EFCAB6: variants seen among roughly 807,000 people sequenced by gnomAD.
EFCAB6 encodes the protein EF-hand calcium binding domain 6, also known as EF-hand calcium-binding domain-containing protein 6.
In EFCAB6, 156 loss-of-function variants were observed where a neutral mutation model predicts 169.8. The ratio of observed to expected loss-of-function variants is 0.92; its 90% CI spans 0.81 to 1.05. EFCAB6 has a LOEUF of 1.05. EFCAB6 is among the 50% of genes least tolerant of loss of function. EFCAB6 has a pLI of 0.00. For synonymous variants in EFCAB6, 698 were observed against 676.4 expected (o/e 1.03, Z -0.50); for missense variants, 1,800 against 1,829.1 (o/e 0.98, Z 0.29).
At chr22:43,532,458 T>G (rs2047131922) in intron 30 of EFCAB6, among the ~76,000 whole-genome samples, 2 of 152,238 alleles carry the variant, frequency 1.3e-5, no homozygotes, top group African/African-American at 4.8e-5. Flanking sequence ...AGGATGGAAT[T>G]GATGGCGGCC....
intron 2 of EFCAB6, among the ~76,000 whole-genome samples, chr22:43,797,750 G>T (rs1360898471): frequency 6.6e-6 from 1 of 151,864 alleles, no homozygotes; most frequent in Non-Finnish European, 1.5e-5. Context: ...AGTGCTATTA[G>T]AACCAAGACC....
chr22:43,785,252 A>G (rs2062033913), intron 2 of EFCAB6, among the ~76,000 whole-genome samples: 1 of 152,210 alleles, frequency 6.6e-6, no homozygotes, highest in Admixed American at 6.5e-5. Flanking sequence ...CACATGGATC[A>G]TTCTCCAGTA....
At chr22:43,590,408 T>C (rs1569210105) in intron 23 of EFCAB6, among the ~76,000 whole-genome samples, 179 bp from the exon 24 acceptor site, 1 of 151,772 alleles carries the variant, frequency 6.6e-6, no homozygotes, top group African/African-American at 2.4e-5. Flanking sequence ...AGAAATATTA[T>C]GTCTGTATCA....
intron 23 of EFCAB6, among the ~76,000 whole-genome samples, chr22:43,599,320 G>A (rs904411363): frequency 6.6e-6 from 1 of 151,864 alleles, no homozygotes; most frequent in Non-Finnish European, 1.5e-5. Flanking sequence ...GACCAGCCTG[G>A]CCAACATGGT....
chr22:43,632,291 C>A, intron 18 of EFCAB6, 53 bp from the exon 19 acceptor site: 2 of 1,316,668 alleles, frequency 1.5e-6, no homozygotes, highest in Non-Finnish European at 2.0e-6. Context: ...AGCTTCATTC[C>A]TTCTTTTTTT....
At chr22:43,672,179 C>T (rs2057522460) in intron 14 of EFCAB6, 46 bp from the exon 15 acceptor site, 4 of 1,613,716 alleles carry the variant, frequency 2.5e-6, no homozygotes, top group Non-Finnish European at 1.7e-6. Context: ...ACATCTGTAA[C>T]CTCTTGTAAC....
chr22:43,704,411 T>G (rs547424296), intron 10 of EFCAB6, among the ~76,000 whole-genome samples: 2 of 152,202 alleles, frequency 1.3e-5, no homozygotes, highest in South Asian at 4.1e-4. Context: ...ATTATTAACA[T>G]AAAAGTTACA....
At chr22:43,569,223 G>A (rs2049670450) in intron 26 of EFCAB6, among the ~76,000 whole-genome samples, 2 of 152,228 alleles carry the variant, frequency 1.3e-5, no homozygotes, top group African/African-American at 2.4e-5. Flanking sequence ...ACAGCCAATC[G>A]GGACTTGGGA....
chr22:43,755,261 G>A (rs1357731802), intron 6 of EFCAB6, among the ~76,000 whole-genome samples: 2 of 152,314 alleles, frequency 1.3e-5, no homozygotes, highest in African/African-American at 2.4e-5. Flanking sequence ...TGTGTGCTGT[G>A]AGATCTAACC....
chr22:43,566,790 C>T (rs895978265), intron 26 of EFCAB6, among the ~76,000 whole-genome samples: 1 of 152,170 alleles, frequency 6.6e-6, no homozygotes, highest in Non-Finnish European at 1.5e-5. Flanking sequence ...AAAACCCCTA[C>T]CCCTGGAAAA....
At chr22:43,618,174 G>GAAAGAAAGAAAGAAA (rs2053847840) in intron 20 of EFCAB6, among the ~76,000 whole-genome samples, 1 of 100,204 alleles carries the variant, frequency 1.0e-5, no homozygotes, top group Non-Finnish European at 2.4e-5. Context: ...AGGAAAGAAA[G>GAAAGAAAGAAAGAAA]AAAGAAAGAA....
At chr22:43,604,879 A>G (rs113858122) in intron 22 of EFCAB6, among the ~76,000 whole-genome samples, 18 of 152,170 alleles carry the variant, frequency 1.2e-4, no homozygotes, top group Admixed American at 3.3e-4. Context: ...AGTTTCACAC[A>G]CGCAAGGATC....
rs1402967848 is a variant in EFCAB6, at chr22:43,598,310, G to GAAAAAAAAAA, written c.2876+1758_2876+1759insTTTTTTTTTT. ...TGATGAAAGTGAGACACTGTCTCCG[G>GAAAAAAAAAA]GAAAAAAAAAAAAAAAAAAAAAAAA... On this transcript the variant is annotated intron_variant, in intron 23 of 31. Transcript: ENST00000262726. 3.5e-5 allele frequency among the ~76,000 whole-genome samples: 2 copies of GAAAAAAAAAA among 57,664 alleles called. 1 individual carries two copies. The highest frequency in any genetic ancestry group is 1.1e-4 in the African/African-American group (2 of 18,688). The allele number at this position is 57,664 out of a possible 152,430, so 37.8% of individuals were successfully genotyped here.
chr22:43,711,727 AAAAACTG>A, intron 9 of EFCAB6, 104 bp from the exon 10 acceptor site: 1 of 1,377,818 alleles, frequency 7.3e-7, no homozygotes. Context: ...TTTTCTCTCC[AAAAACTG>A]ATCAAAAAGG....
chr22:43,664,573 T>A (rs550433468), intron 17 of EFCAB6, among the ~76,000 whole-genome samples: 23 of 152,260 alleles, frequency 1.5e-4, no homozygotes, highest in Non-Finnish European at 3.1e-4. Flanking sequence ...CAAGGTCACC[T>A]TGGTGGAGGA....
chr22:43,761,561 T>C, intron 5 of EFCAB6, among the ~76,000 whole-genome samples: 1 of 152,244 alleles, frequency 6.6e-6, no homozygotes, highest in East Asian at 1.9e-4. Context: ...ATTGCCTGTT[T>C]TGCATTCATA....
chr22:43,586,561 T>C (rs1207103666), intron 24 of EFCAB6, among the ~76,000 whole-genome samples: 3 of 151,878 alleles, frequency 2.0e-5, no homozygotes, highest in Non-Finnish European at 2.9e-5. Context: ...CAGACAGAAA[T>C]AGGAGTCAGA....
At chr22:43,784,095 G>A (rs2148048858) in intron 2 of EFCAB6, among the ~76,000 whole-genome samples, 1 of 151,984 alleles carries the variant, frequency 6.6e-6, no homozygotes, top group East Asian at 1.9e-4. Flanking sequence ...AAAATGTCCA[G>A]TTTTCAACAA....
In EFCAB6 at chr22:43,528,892, T is replaced by C. The variant is rs1272963145; in HGVS notation, c.4467A>G (p.Lys1489=). The part of the protein sequence containing the change: ...LEYYDKTLSS[K]ISYNDFLRAF... ...CCCGGAGGAAGTCGTTGTAGGAGATTTTTGAAGACAGCGTCTTATCGTAAT... is the reference window on the plus strand; with the variant it reads ...CCCGGAGGAAGTCGTTGTAGGAGATCTTTGAAGACAGCGTCTTATCGTAAT... Residue 1489 remains lysine (K), a synonymous_variant, in exon 32 of 32, where the codon AAA becomes AAG. Coordinates refer to ENST00000262726, the MANE Select transcript of EFCAB6 (RefSeq NM_022785.4). The C allele has an allele frequency of 6.2e-7, 1 of 1,611,488 alleles. No homozygotes were observed. Among genetic ancestry groups the C allele is most frequent in the Admixed American group, 1.7e-5 (1 of 59,994 alleles).
Sources: gnomAD v4.1 joint callset for allele counts (sites outside exome capture counted in the v4.1 genomes callset) on GRCh38, gnomAD v4.1.1 for gene constraint, MANE v1.5 for transcripts, NCBI Gene and HGNC (gene_info 2026-07-23, HGNC 2026-07-21) for gene names.